MSRA: variants seen among roughly 807,000 people sequenced by gnomAD.
The protein encoded by MSRA is mitochondrial peptide methionine sulfoxide reductase.
A neutral mutation model predicts 31.3 loss-of-function variants in MSRA; 54 were observed. The ratio of observed to expected loss-of-function variants is 1.73; its 90% CI spans 1.39 to 2.17. The LOEUF is 2.17. MSRA is among the 30% of genes most tolerant of loss of function. MSRA has a pLI of 0.00. For synonymous variants in MSRA, 169 were observed against 116.5 expected (o/e 1.45, Z -2.90); for missense variants, 507 against 300.9 (o/e 1.69, Z -5.07).
At chr8:10,124,506 T>C (rs994815744) in intron 1 of MSRA, among the ~76,000 whole-genome samples, 1 of 152,260 alleles carries the variant, frequency 6.6e-6, no homozygotes, top group Non-Finnish European at 1.5e-5. Flanking sequence ...TGGAAAATTC[T>C]AAAAGTGACT....
chr8:10,238,189 C>T (rs1345313803), intron 2 of MSRA, among the ~76,000 whole-genome samples: 1 of 152,166 alleles, frequency 6.6e-6, no homozygotes, highest in African/African-American at 2.4e-5. Context: ...TGTAGGACTG[C>T]TTTCTCTACC....
chr8:10,256,870 T>C (rs1306836930), intron 3 of MSRA, among the ~76,000 whole-genome samples: 2 of 152,310 alleles, frequency 1.3e-5, no homozygotes, highest in East Asian at 3.9e-4. Context: ...GGGCTTCATC[T>C]CCTGCCCTCC....
intron 2 of MSRA, among the ~76,000 whole-genome samples, chr8:10,217,753 A>G (rs765980471): frequency 6.6e-5 from 10 of 152,126 alleles, no homozygotes; most frequent in African/African-American, 9.7e-5. Flanking sequence ...TGGATTTTTT[A>G]CACCTAAAAT....
At chr8:10,130,702 G>A (rs1052559922) in intron 1 of MSRA, among the ~76,000 whole-genome samples, 2 of 152,126 alleles carry the variant, frequency 1.3e-5, no homozygotes, top group African/African-American at 4.8e-5. Context: ...GTAATAGCAC[G>A]GGGCTCTATT....
intron 3 of MSRA, among the ~76,000 whole-genome samples, chr8:10,276,173 G>C (rs567574228): frequency 6.6e-6 from 1 of 152,340 alleles, no homozygotes; most frequent in South Asian, 2.1e-4. Context: ...TTATAGACAA[G>C]TTACCTTTCT....
chr8:10,287,598 C>A (rs181458510), intron 3 of MSRA, among the ~76,000 whole-genome samples: 3 of 152,124 alleles, frequency 2.0e-5, no homozygotes, highest in Non-Finnish European at 4.4e-5. Context: ...AGACACACAC[C>A]GTTCTCATGC....
At chr8:10,182,085 G>C in intron 1 of MSRA, among the ~76,000 whole-genome samples, 1 of 152,134 alleles carries the variant, frequency 6.6e-6, no homozygotes, top group East Asian at 1.9e-4. Flanking sequence ...GCTTAGCTCT[G>C]ACCTCCTAAC....
intron 1 of MSRA, among the ~76,000 whole-genome samples, chr8:10,137,483 C>T (rs1802369147): frequency 6.6e-6 from 1 of 152,114 alleles, no homozygotes; most frequent in Non-Finnish European, 1.5e-5. Context: ...CTGTTTCATT[C>T]CAAGATTGTG....
intron 2 of MSRA, among the ~76,000 whole-genome samples, chr8:10,223,310 G>C (rs971735447): frequency 6.6e-6 from 1 of 152,222 alleles, no homozygotes; most frequent in Admixed American, 6.5e-5. Flanking sequence ...AAGCACTTCA[G>C]ATTGTACTTC....
intron 1 of MSRA, among the ~76,000 whole-genome samples, chr8:10,121,739 T>C (rs1161327527): frequency 6.6e-6 from 1 of 151,992 alleles, no homozygotes; most frequent in Non-Finnish European, 1.5e-5. Context: ...GGTATGATCA[T>C]AGCTTACTAC....
intron 3 of MSRA, among the ~76,000 whole-genome samples, chr8:10,258,897 A>G (rs1798321286): frequency 1.3e-5 from 2 of 152,204 alleles, no homozygotes. Context: ...GCTTGAGGTC[A>G]GGAGTTTGAG....
chr8:10,194,959 A>G (rs1807846923), intron 1 of MSRA, among the ~76,000 whole-genome samples: 1 of 152,206 alleles, frequency 6.6e-6, no homozygotes. Context: ...AAGTAACAAG[A>G]GTTTTTAAAA....
chr8:10,283,836 T>TATATATACACACACACACAC (rs1261287031), intron 3 of MSRA, among the ~76,000 whole-genome samples: 36 of 53,150 alleles, frequency 6.8e-4, no homozygotes, highest in East Asian at 2.5e-3. Context: ...TATATATATA[T>TATATATACACACACACACAC]ACACACACAC....
chr8:10,217,318 C>G (rs1249852559), intron 2 of MSRA, among the ~76,000 whole-genome samples: 1 of 152,226 alleles, frequency 6.6e-6, no homozygotes, highest in Non-Finnish European at 1.5e-5. Context: ...TGCCACACTG[C>G]TCTTCTCTTT....
At chr8:10,321,927 A>G (rs1319598281) in intron 5 of MSRA, among the ~76,000 whole-genome samples, 1 of 152,230 alleles carries the variant, frequency 6.6e-6, no homozygotes, top group Non-Finnish European at 1.5e-5. Context: ...GTGAGATAAT[A>G]AATGTATATA....
At chr8:10,398,308 T>C (rs1288633238) in intron 5 of MSRA, among the ~76,000 whole-genome samples, 3 of 152,228 alleles carry the variant, frequency 2.0e-5, no homozygotes, top group Non-Finnish European at 4.4e-5. Flanking sequence ...GTGAAAGGGC[T>C]GGATTCTGCC....
chr8:10,323,646 C>A (rs1802183810), intron 5 of MSRA, among the ~76,000 whole-genome samples: 2 of 151,928 alleles, frequency 1.3e-5, no homozygotes, highest in Admixed American at 6.6e-5. Context: ...ATTATCCTTT[C>A]ATTATTTTTG....
intron 2 of MSRA, among the ~76,000 whole-genome samples, chr8:10,231,916 A>G (rs1044267677): frequency 6.6e-6 from 1 of 152,118 alleles, no homozygotes; most frequent in Non-Finnish European, 1.5e-5. Context: ...ATAAAATAAA[A>G]ATAAAAATAA....
intron 1 of MSRA, among the ~76,000 whole-genome samples, chr8:10,076,221 G>T (rs1471754789): frequency 1.3e-5 from 2 of 152,242 alleles, no homozygotes; most frequent in Non-Finnish European, 2.9e-5. Flanking sequence ...CAGTTGCACA[G>T]AATGTTTGTT....
Sources: allele counts gnomAD v4.1 joint callset (sites outside exome capture counted in the v4.1 genomes callset), GRCh38; gene constraint gnomAD v4.1.1; transcripts MANE v1.5; gene names NCBI Gene and HGNC (gene_info 2026-07-23, HGNC 2026-07-21).